ARID4B: variants seen among roughly 807,000 people sequenced by gnomAD.
The protein encoded by ARID4B is AT-rich interaction domain 4B.
ARID4B carries 26 observed loss-of-function variants against 147.5 expected under a neutral mutation model. The observed-to-expected ratio is 0.18, with a 90% CI of 0.13 to 0.24. The LOEUF (loss-of-function observed/expected upper bound fraction) is 0.24, where lower values mean the gene tolerates loss of function less well. ARID4B is among the 10% of genes least tolerant of loss of function. ARID4B has a pLI of 1.00. For missense variants in ARID4B, 1,179 were observed against 1,511.5 expected (o/e 0.78, Z 3.65); for synonymous variants, 512 against 507.9 (o/e 1.01, Z -0.11).
At chr1:235,250,624 T>C (rs1669584384) in intron 6 of ARID4B, among the ~76,000 whole-genome samples, 1 of 152,210 alleles carries the variant, frequency 6.6e-6, no homozygotes, top group Non-Finnish European at 1.5e-5. Flanking sequence ...CATGTTTACA[T>C]GGGTTGGCTT....
intron 11 of ARID4B, among the ~76,000 whole-genome samples, chr1:235,227,996 C>T (rs1407997173): frequency 6.6e-6 from 1 of 151,760 alleles, no homozygotes; most frequent in Admixed American, 6.6e-5. Context: ...CCACACCTGG[C>T]TAATTATTTT....
At chr1:235,213,693 ATTAC>A (rs1338812725) in intron 17 of ARID4B, 72 bp downstream of exon 17, 8 of 1,444,186 alleles carry the variant, frequency 5.5e-6, no homozygotes, top group African/African-American at 2.9e-5. Flanking sequence ...TCTGTAATCC[ATTAC>A]TTAAGTTTTT....
chr1:235,304,230 C>T (rs1290614510), intron 2 of ARID4B, among the ~76,000 whole-genome samples: 5 of 151,986 alleles, frequency 3.3e-5, no homozygotes, highest in Non-Finnish European at 7.4e-5. Flanking sequence ...CACCTGTAGT[C>T]TCAGCTACTT....
At chr1:235,277,479 C>T (rs1376275143) in intron 2 of ARID4B, among the ~76,000 whole-genome samples, 5 of 150,026 alleles carry the variant, frequency 3.3e-5, no homozygotes, top group Non-Finnish European at 7.4e-5. Context: ...GCGGAGCTTG[C>T]AGTGAGCCGA....
intron 2 of ARID4B, among the ~76,000 whole-genome samples, chr1:235,303,607 A>G (rs953506737): frequency 6.6e-6 from 1 of 152,194 alleles, no homozygotes; most frequent in African/African-American, 2.4e-5. Flanking sequence ...CTGTAATGCC[A>G]GCTATTTAAT....
intron 16 of ARID4B, among the ~76,000 whole-genome samples, chr1:235,217,669 A>G (rs1440919668): frequency 1.3e-5 from 2 of 152,218 alleles, no homozygotes; most frequent in African/African-American, 4.8e-5. Flanking sequence ...CATTTTACAT[A>G]TATCAACTTC....
At chr1:235,211,217 G>A (rs902737741) in intron 17 of ARID4B, among the ~76,000 whole-genome samples, 1 of 152,106 alleles carries the variant, frequency 6.6e-6, no homozygotes, top group African/African-American at 2.4e-5. Flanking sequence ...GCCTATCTCA[G>A]CTACTCAGGA....
chr1:235,189,446 C>T (rs1664932160), intron 19 of ARID4B, among the ~76,000 whole-genome samples: 1 of 138,030 alleles, frequency 7.2e-6, no homozygotes, highest in Non-Finnish European at 1.6e-5. Context: ...TTAAACATTA[C>T]AGCAAAAAGT....
intron 7 of ARID4B, among the ~76,000 whole-genome samples, chr1:235,242,683 T>C (rs1669065648): frequency 6.6e-6 from 1 of 152,198 alleles, no homozygotes; most frequent in African/African-American, 2.4e-5. Flanking sequence ...TTGTAAAAAT[T>C]GTAACTTTTC....
intron 2 of ARID4B, among the ~76,000 whole-genome samples, chr1:235,316,888 C>A (rs1674480373): frequency 6.6e-6 from 1 of 152,060 alleles, no homozygotes; most frequent in Non-Finnish European, 1.5e-5. Context: ...ATCAGAAATG[C>A]TACAAAAACT....
At chr1:235,293,322 A>C (rs968642920) in intron 2 of ARID4B, among the ~76,000 whole-genome samples, 5 of 152,196 alleles carry the variant, frequency 3.3e-5, no homozygotes, top group Non-Finnish European at 5.9e-5. Context: ...CAAGTAAAAA[A>C]ATTTTATATA....
At chr1:235,199,980 A>G (rs1404367048) in intron 17 of ARID4B, among the ~76,000 whole-genome samples, 2 of 151,186 alleles carry the variant, frequency 1.3e-5, no homozygotes, top group African/African-American at 4.9e-5. Flanking sequence ...TATTTTCTCT[A>G]CAGGATATTT....
intron 2 of ARID4B, among the ~76,000 whole-genome samples, chr1:235,318,768 C>T (rs1426356853): frequency 6.6e-6 from 1 of 152,018 alleles, no homozygotes; most frequent in Non-Finnish European, 1.5e-5. Context: ...GTAATCCCAT[C>T]TACTTGGGAG....
At chr1:235,320,540 G>C (rs1327314639) in intron 2 of ARID4B, among the ~76,000 whole-genome samples, 1 of 152,074 alleles carries the variant, frequency 6.6e-6, no homozygotes, top group Non-Finnish European at 1.5e-5. Context: ...CCCATGATGT[G>C]TTCACTACCC....
At chr1:235,295,465 A>G (rs1355634057) in intron 2 of ARID4B, among the ~76,000 whole-genome samples, 1 of 150,826 alleles carries the variant, frequency 6.6e-6, no homozygotes, top group Non-Finnish European at 1.5e-5. Context: ...AGCCGAGATC[A>G]TGCCACTGCA....
chr1:235,278,255 T>C (rs1412476527), intron 2 of ARID4B, among the ~76,000 whole-genome samples: 1 of 152,224 alleles, frequency 6.6e-6, no homozygotes, highest in Non-Finnish European at 1.5e-5. Flanking sequence ...CTAGGTTACT[T>C]ATCTACCTAG....
chr1:235,231,897 C>T (rs1408425844), intron 9 of ARID4B, among the ~76,000 whole-genome samples: 1 of 152,108 alleles, frequency 6.6e-6, no homozygotes, highest in Non-Finnish European at 1.5e-5. Flanking sequence ...TGCTTCATGC[C>T]AAAGTTCAAG....
At chr1:235,324,518 T>C (rs1675084776) in intron 2 of ARID4B, among the ~76,000 whole-genome samples, 1 of 152,238 alleles carries the variant, frequency 6.6e-6, no homozygotes, top group Admixed American at 6.5e-5. Context: ...CTTAATAAAA[T>C]TTAAAGATTT....
At chr1:235,243,120 C>T (rs1253688324) in intron 7 of ARID4B, among the ~76,000 whole-genome samples, 1 of 151,946 alleles carries the variant, frequency 6.6e-6, no homozygotes, top group African/African-American at 2.4e-5. Context: ...TCTCAAGTAC[C>T]TGAACAATGC....
Sources: gnomAD v4.1 joint callset for allele counts (sites outside exome capture counted in the v4.1 genomes callset) on GRCh38, gnomAD v4.1.1 for gene constraint, MANE v1.5 for transcripts, NCBI Gene and HGNC (gene_info 2026-07-23, HGNC 2026-07-21) for gene names.